Variants in GGNBP2 observed in about 807,000 individuals in gnomAD.
The protein encoded by GGNBP2 is gametogenetin binding protein 2.
In GGNBP2, 10 loss-of-function variants were observed where a neutral mutation model predicts 85.9. The ratio of observed to expected loss-of-function variants is 0.12; its 90% CI spans 0.07 to 0.20. GGNBP2 has a LOEUF of 0.20. GGNBP2 is among the 10% of genes least tolerant of loss of function. The probability of loss-of-function intolerance (pLI) is 1.00; values close to 1 mark genes in which losing one functional copy is unlikely to be tolerated. For missense variants in GGNBP2, 595 were observed against 857.8 expected, an observed-to-expected ratio of 0.69 and a Z score of 3.83; for synonymous variants, 287 against 285.7, an observed-to-expected ratio of 1.00 and a Z score of -0.05.
rs1420816414 is a variant in GGNBP2, at chr17:36,545,799, C to T, written c.75C>T (p.Tyr25=). 1.9e-6 allele frequency: 3 copies of T among 1,567,598 alleles called. No individual in the cohort carries two copies. Among genetic ancestry groups the T allele is most frequent in the Non-Finnish European group, 2.6e-6 (3 of 1,156,532 alleles). Residue 25 remains tyrosine, a synonymous_variant, in exon 2 of 14, where the codon TAC becomes TAT. Coordinates refer to ENST00000613102, the MANE Select transcript of GGNBP2 (RefSeq NM_024835.5). ...TCGAGAGGAGGCAGATTCCCCTCTA[C>T]ATAGACGACACCCTGACGGTGAGCG... is the stretch of plus-strand genomic sequence containing the variant. ...FPFERRQIPL[Y]IDDTLTMVME...
Position 36,555,011 on chromosome 17 carries a change from C to T in GGNBP2, c.174+111C>T, listed in dbSNP as rs1304731111. 10 of 641,492 alleles carry T rather than the reference C, an allele frequency of 1.6e-5. No homozygotes were observed. In the Admixed American group the frequency reaches 1.9e-4, roughly 12 times the overall value. 39.7% of individuals were successfully genotyped at this position (641,492 alleles called of 1,614,324 possible). On this transcript the variant is annotated intron_variant, in intron 3 of 13. Coordinates refer to ENST00000613102, the MANE Select transcript of GGNBP2 (RefSeq NM_024835.5). ...GGATTCTCTAGGTCTTAATATTGCACTGGAATTGCTCTTTCACCATTGCTA... is the reference window on the plus strand; with the variant it reads ...GGATTCTCTAGGTCTTAATATTGCATTGGAATTGCTCTTTCACCATTGCTA...
At chr17:36,545,532 G>C (rs995622276) in intron 1 of GGNBP2, 87 bp from the exon 2 acceptor site, 6 of 522,984 alleles carry the variant, frequency 1.1e-5, no homozygotes, top group East Asian at 6.4e-5. Flanking sequence ...CGGCTCTCCC[G>C]TACCCTCCCG....
intron 2 of GGNBP2, among the ~76,000 whole-genome samples, chr17:36,553,548 C>T (rs567007498): frequency 2.0e-5 from 3 of 152,220 alleles, no homozygotes; most frequent in South Asian, 4.1e-4. Context: ...TTTTTAAGAT[C>T]GCATTCAACT....
At chr17:36,571,093 A>G (rs748720856) in intron 6 of GGNBP2, among the ~76,000 whole-genome samples, 1 of 152,186 alleles carries the variant, frequency 6.6e-6, no homozygotes, top group Non-Finnish European at 1.5e-5. Context: ...GACGTGATAG[A>G]ACATCATTAG....
chr17:36,588,603 T>A (rs868674305), intron 13 of GGNBP2, among the ~76,000 whole-genome samples: 116 of 150,276 alleles, frequency 7.7e-4, no homozygotes, highest in South Asian at 1.9e-3. Context: ...AATATTTATT[T>A]ATTTTTTTTT....
intron 8 of GGNBP2, 141 bp downstream of exon 8, chr17:36,579,560 C>G (rs2074625147): frequency 1.4e-6 from 1 of 698,942 alleles, no homozygotes. Context: ...TGTTACATGG[C>G]TTTGGGTTGG....
At position 36,577,967 on chromosome 17, in the gene GGNBP2, T is replaced by C. The variant is rs1254226327; in HGVS notation, c.642-16T>C. On this transcript the variant is annotated splice_polypyrimidine_tract_variant and intron_variant, in intron 6 of 13. Coordinates refer to ENST00000613102, the MANE Select transcript of GGNBP2 (RefSeq NM_024835.5). ...GCACAGCCATTTCTTAATTTTAAGG[T>C]TTTTCTTTTCAACAGGTTTTGCACT... The C allele has an allele frequency of 6.2e-7, 1 of 1,604,298 alleles. No homozygotes were observed. Among genetic ancestry groups the C allele is most frequent in the Admixed American group, 1.7e-5 (1 of 59,996 alleles).
Position 36,579,282 on chromosome 17 carries a change from C to G in GGNBP2, c.883C>G (p.Gln295Glu). 1 of 1,614,074 alleles carries G rather than the reference C, an allele frequency of 6.2e-7. No individual in the cohort carries two copies. The highest frequency in any genetic ancestry group is 8.5e-7 in the Non-Finnish European group (1 of 1,179,986). The change falls in exon 8 of 14, where the codon CAA becomes GAA. Residue 295 changes from glutamine to glutamate, a missense_variant. By Grantham distance (29) the Gln-to-Glu change is conservative (BLOSUM62 2). Around this residue, in one of 9 missense-constraint regions of GGNBP2, gnomAD observed 92 missense variants for 183.9 expected, o/e 0.50. Transcript: ENST00000613102. ...ERHAKTIDIAQEEVLTCLGIH... is the reference protein window; with the variant it reads ...ERHAKTIDIAEEEVLTCLGIH... Reference sequence around the variant, plus strand: ...GCATGCAAAGACAATAGATATAGCTCAAGAAGAAGTTCTGACCTGCTTGGG... The same window carrying G: ...GCATGCAAAGACAATAGATATAGCTGAAGAAGAAGTTCTGACCTGCTTGGG...
In GGNBP2 at chr17:36,589,294, C is replaced by T. The variant is rs2074734505; in HGVS notation, c.1977C>T (p.Tyr659=). 1.9e-6 allele frequency: 3 copies of T among 1,612,568 alleles called. No individual in the cohort carries two copies. The highest frequency in any genetic ancestry group is 2.5e-6 in the Non-Finnish European group (3 of 1,178,618). The change falls in exon 14 of 14, where the codon TAC becomes TAT. Residue 659 remains tyrosine (Y), a synonymous_variant. Coordinates refer to ENST00000613102, the MANE Select transcript of GGNBP2 (RefSeq NM_024835.5). ...TTATGGCTAATAACCAGTCTTTCTA[C>T]AGCAATAGAGAACAATACCGACAGC... The part of the protein sequence containing the change: ...QSFMANNQSF[Y]SNREQYRQHL...
At chr17:36,571,036 G>A (rs1165545218) in intron 6 of GGNBP2, among the ~76,000 whole-genome samples, 3 of 152,012 alleles carry the variant, frequency 2.0e-5, no homozygotes, top group African/African-American at 4.8e-5. Context: ...AAAGTATTAC[G>A]GTAGAACATC....
chr17:36,581,406 A>G lies in GGNBP2; in HGVS notation c.1083A>G (p.Glu361=). 3.1e-6 allele frequency: 5 copies of G among 1,613,804 alleles called. No homozygotes were observed. Among genetic ancestry groups the G allele is most frequent in the Non-Finnish European group, 4.2e-6 (5 of 1,179,770 alleles). The part of the protein sequence containing the change: ...RLEQLCEEFS[E]EERVRELKQE... ...AACAACTTTGTGAGGAATTTTCAGA[A>G]GAGGAACGAGTAAGAGAACTCAAGC... Residue 361 remains glutamate (E), a synonymous_variant, in exon 9 of 14, where the codon GAA becomes GAG. Coordinates refer to ENST00000613102, the MANE Select transcript of GGNBP2 (RefSeq NM_024835.5).
intron 7 of GGNBP2, 31 bp from the exon 8 acceptor site, chr17:36,579,214 G>A (rs2074620745): frequency 1.2e-5 from 19 of 1,585,896 alleles, no homozygotes; most frequent in East Asian, 2.2e-5. Flanking sequence ...TTCAGTTAAA[G>A]GTATTAGTGT....
At chr17:36,564,852 T>C (rs1489811437) in intron 5 of GGNBP2, among the ~76,000 whole-genome samples, 4 of 151,610 alleles carry the variant, frequency 2.6e-5, no homozygotes, top group African/African-American at 9.7e-5. Flanking sequence ...TAAATAGAAA[T>C]CTAGGTCAGC....
intron 2 of GGNBP2, among the ~76,000 whole-genome samples, chr17:36,550,479 A>G (rs966556096): frequency 1.6e-4 from 24 of 152,218 alleles, no homozygotes; most frequent in African/African-American, 5.8e-4. Context: ...GTTTTCTTTC[A>G]ACTTTTAACA....
At chr17:36,580,015 CAAA>C in intron 8 of GGNBP2, among the ~76,000 whole-genome samples, 1 of 149,750 alleles carries the variant, frequency 6.7e-6, no homozygotes, top group South Asian at 2.1e-4. Flanking sequence ...CGTCTCAAAA[CAAA>C]AACAAAAACA....
At chr17:36,550,312 T>C (rs184384425) in intron 2 of GGNBP2, among the ~76,000 whole-genome samples, 5 of 152,270 alleles carry the variant, frequency 3.3e-5, no homozygotes, top group African/African-American at 1.2e-4. Flanking sequence ...TGATAAGAGT[T>C]TGGGGTTTTG....
chr17:36,554,919 A>C lies in GGNBP2; in HGVS notation c.174+19A>C. On this transcript the variant is annotated intron_variant, in intron 3 of 13. Transcript: ENST00000613102. ...CATTCAGGTAATAGTTTTTTCAATC[A>C]GTGTTTTTAATGGTGTATGTGTATT... is the stretch of plus-strand genomic sequence containing the variant. The C allele has an allele frequency of 7.0e-7, 1 of 1,433,594 alleles. No individual in the cohort carries two copies. Among genetic ancestry groups the C allele is most frequent in the Non-Finnish European group, 9.8e-7 (1 of 1,015,516 alleles). 88.8% of individuals were successfully genotyped at this position (1,433,594 alleles called of 1,614,324 possible).
chr17:36,554,698 T>G (rs17138364), intron 2 of GGNBP2, 122 bp from the exon 3 acceptor site: 22,100 of 695,088 alleles, frequency 0.032, 505 homozygotes, highest in African/African-American at 0.071. Flanking sequence ...TTAACAAAAT[T>G]TTTTGAGGGG....
At chr17:36,572,929 A>C (rs574326572) in intron 6 of GGNBP2, among the ~76,000 whole-genome samples, 1 of 152,154 alleles carries the variant, frequency 6.6e-6, no homozygotes, top group Non-Finnish European at 1.5e-5. Context: ...ATAATGTAGC[A>C]CTTGAATTTT....
Sources: allele counts gnomAD v4.1 joint callset (sites outside exome capture counted in the v4.1 genomes callset), GRCh38; gene constraint gnomAD v4.1.1; regional missense constraint gnomAD v4.1.1; transcripts MANE v1.5; gene names NCBI Gene and HGNC (gene_info 2026-07-23, HGNC 2026-07-21).